DRP2: variants seen among roughly 807,000 people sequenced by gnomAD.
DRP2 encodes dystrophin related protein 2.
In DRP2, 29 loss-of-function variants were observed where a neutral mutation model predicts 78.2. The observed-to-expected ratio is 0.37, with a 90% confidence interval of 0.28 to 0.51. The LOEUF is 0.51. DRP2 is among the 20% of genes least tolerant of loss of function. The pLI is 0.94. For missense variants in DRP2, 686 were observed against 770.6 expected (o/e 0.89, Z 1.30); for synonymous variants, 290 against 281.9 (o/e 1.03, Z -0.29).
At chrX:101,252,054 C>T (rs954824158) in intron 16 of DRP2, among the ~76,000 whole-genome samples, 3 of 112,290 alleles carry the variant, frequency 2.7e-5, no homozygotes, top group Non-Finnish European at 3.8e-5. Context: ...AGGCATTTCA[C>T]TGTCCTATGC....
At chrX:101,238,131 A>G (rs887433947) in intron 5 of DRP2, among the ~76,000 whole-genome samples, 6 of 112,063 alleles carry the variant, frequency 5.4e-5, no homozygotes, top group Non-Finnish European at 9.4e-5. Flanking sequence ...TACATATAAC[A>G]GCATAGGAAG....
intron 6 of DRP2, among the ~76,000 whole-genome samples, chrX:101,239,868 C>A (rs1040647170): frequency 1.8e-5 from 2 of 111,504 alleles, no homozygotes; most frequent in Non-Finnish European, 3.8e-5. Flanking sequence ...TGAGCCACCA[C>A]GCCTGGCCCA....
intron 3 of DRP2, among the ~76,000 whole-genome samples, chrX:101,233,031 C>T (rs899611812): frequency 8.9e-6 from 1 of 112,269 alleles, no homozygotes; most frequent in African/African-American, 3.2e-5. Flanking sequence ...AGCAAATATC[C>T]TGGCTACAAA....
intron 9 of DRP2, among the ~76,000 whole-genome samples, chrX:101,244,001 G>A (rs776770067): frequency 8.9e-6 from 1 of 111,932 alleles, no homozygotes; most frequent in Non-Finnish European, 1.9e-5. Context: ...GAAACAGTAA[G>A]GAGAGCAAAG....
At chrX:101,253,698 C>A (rs1320796731) in intron 17 of DRP2, among the ~76,000 whole-genome samples, 5 of 108,780 alleles carry the variant, frequency 4.6e-5, no homozygotes, top group African/African-American at 6.7e-5. Context: ...TATTTTTCAA[C>A]CTGTTTCCCC....
intron 7 of DRP2, among the ~76,000 whole-genome samples, 154 bp from the exon 8 acceptor site, chrX:101,242,171 C>T (rs895713691): frequency 4.5e-5 from 5 of 111,651 alleles, no homozygotes; most frequent in African/African-American, 1.6e-4. Flanking sequence ...GGACAGTGGC[C>T]GCCCACACCT....
intron 12 of DRP2, 49 bp from the exon 13 acceptor site, chrX:101,248,040 G>C (rs753010289): frequency 8.8e-7 from 1 of 1,131,710 alleles, no homozygotes; most frequent in African/African-American, 1.8e-5. Context: ...AATCCCTGGG[G>C]TTCTACTTTT....
chrX:101,240,492 C>G (rs993371103), intron 6 of DRP2, among the ~76,000 whole-genome samples: 1 of 112,519 alleles, frequency 8.9e-6, no homozygotes, highest in Non-Finnish European at 1.9e-5. Context: ...TGCTTGGCCT[C>G]CTGAAGTGTT....
At chrX:101,225,861 A>T (rs934125490) in intron 2 of DRP2, among the ~76,000 whole-genome samples, 1 of 112,126 alleles carries the variant, frequency 8.9e-6, no homozygotes, top group African/African-American at 3.2e-5. Flanking sequence ...AGAAGTGATT[A>T]TATGAATTTA....
Position 101,241,949 on chromosome X carries a change from C to T in DRP2, c.828+13C>T, listed in dbSNP as rs1419660436. 2 of 1,161,538 alleles carry T rather than the reference C, an allele frequency of 1.7e-6. No individual in the cohort carries two copies. The highest frequency in any genetic ancestry group is 6.5e-5 in the East Asian group (2 of 30,671). On this transcript the variant is annotated intron_variant, in intron 7 of 23. Transcript: ENST00000395209. ...CCAGGCTATTAAGGTATGCAAGCCC[C>T]CTCCCCTGACTACAGTCTACCCTGA... is the stretch of plus-strand genomic sequence containing the variant.
chrX:101,257,641 G>T (rs201751293), intron 21 of DRP2, among the ~76,000 whole-genome samples: 1 of 106,461 alleles, frequency 9.4e-6, no homozygotes. Context: ...GTCCACAACA[G>T]AGTGAAAAAA....
intron 12 of DRP2, among the ~76,000 whole-genome samples, chrX:101,247,481 G>A (rs1380807699): frequency 8.9e-6 from 1 of 111,962 alleles, no homozygotes; most frequent in Admixed American, 9.5e-5. Context: ...CCATCTTGGG[G>A]TTATTGGATG....
chrX:101,234,466 A>G lies in DRP2; in HGVS notation c.118-1394A>G, dbSNP rs937479114. Reference sequence around the variant, plus strand: ...TCTGATTCACCAGCCAGGCCCTGACATAGCCGCCCCCTCCAGATTCCTGGG... The same window carrying G: ...TCTGATTCACCAGCCAGGCCCTGACGTAGCCGCCCCCTCCAGATTCCTGGG... On this transcript the variant is annotated intron_variant, in intron 3 of 23. Transcript: ENST00000395209. 8.0e-5 allele frequency among the ~76,000 whole-genome samples: 9 copies of G among 112,912 alleles called. 1 individual carries two copies. Among genetic ancestry groups the G allele is most frequent in the African/African-American group, 2.9e-4 (9 of 31,120 alleles).
At position 101,250,595 on chromosome X, in the gene DRP2, G is replaced by A. The variant is rs201032702; in HGVS notation, c.1698+15G>A. The A allele has an allele frequency of 8.5e-7, 1 of 1,171,531 alleles. No individual in the cohort carries two copies. The highest frequency in any genetic ancestry group is 3.0e-5 in the East Asian group (1 of 33,227). On this transcript the variant is annotated intron_variant, in intron 15 of 23. Coordinates refer to ENST00000395209, the MANE Select transcript of DRP2 (RefSeq NM_001939.3). ...GCTTCCGTTTTGTGAGTATGGAACT[G>A]GGGAGTGGGGGAGGGAAGGGAGGTT...
chrX:101,243,647 G>T (rs1922820465), intron 9 of DRP2, among the ~76,000 whole-genome samples: 2 of 111,969 alleles, frequency 1.8e-5, no homozygotes, highest in Admixed American at 1.9e-4. Flanking sequence ...TCTAGGCACT[G>T]GGGCTGCATC....
chrX:101,256,208 A>G lies in DRP2; in HGVS notation c.2337A>G (p.Thr779=). The change falls in exon 21 of 24, where the codon ACA becomes ACG. Residue 779 remains threonine (T), a synonymous_variant. Transcript: ENST00000395209. The part of the protein sequence containing the change: ...FGQQAPCSVA[T]ESKGELQKIL... ...AGCAGGCTCCATGCAGTGTGGCCAC[A>G]GAAAGCAAAGGGGAGCTACAGAAGA... 5 of 1,208,256 alleles carry G rather than the reference A, an allele frequency of 4.1e-6. No individual in the cohort carries two copies. The highest frequency in any genetic ancestry group is 5.6e-6 in the Non-Finnish European group (5 of 893,937).
chrX:101,254,639 G>T, intron 18 of DRP2, 78 bp downstream of exon 18: 1 of 1,176,011 alleles, frequency 8.5e-7, no homozygotes, highest in South Asian at 1.9e-5. Context: ...GCTGAGTCCC[G>T]AGTGGGCTAG....
At chrX:101,257,221 T>C (rs1923371416) in intron 21 of DRP2, among the ~76,000 whole-genome samples, 1 of 108,735 alleles carries the variant, frequency 9.2e-6, no homozygotes, top group Non-Finnish European at 1.9e-5. Flanking sequence ...AGATAGTCAC[T>C]TGGGAAGCTT....
At chrX:101,229,694 G>C (rs1008531662) in intron 2 of DRP2, among the ~76,000 whole-genome samples, 1 of 110,870 alleles carries the variant, frequency 9.0e-6, no homozygotes, top group South Asian at 3.8e-4. Context: ...TCTGCATCAT[G>C]AATAAAAGAT....
Sources: allele counts gnomAD v4.1 joint callset (sites outside exome capture counted in the v4.1 genomes callset), GRCh38; gene constraint gnomAD v4.1.1; transcripts MANE v1.5; gene names NCBI Gene and HGNC (gene_info 2026-07-23, HGNC 2026-07-21).